LIME1: variants seen among roughly 807,000 people sequenced by gnomAD.
LIME1 encodes Lck interacting transmembrane adaptor 1.
Under a neutral mutation model 18.8 loss-of-function variants are expected in LIME1, and 23 were observed. The ratio of observed to expected loss-of-function variants is 1.22; its 90% confidence interval spans 0.88 to 1.73. The LOEUF is 1.73. Among genes scored for constraint, LIME1 ranks in the 40% most tolerant of loss-of-function variants. LIME1 has a pLI of 0.00. For missense variants in LIME1, 423 were observed against 396.8 expected (o/e 1.07, Z -0.56); for synonymous variants, 177 against 182.3 (o/e 0.97, Z 0.23).
intron 1 of LIME1, chr20:63,737,057 C>T: frequency 4.1e-6 from 4 of 987,192 alleles, no homozygotes; most frequent in Non-Finnish European, 3.6e-6. Flanking sequence ...CCTCCGGGTG[C>T]AGGGTCCCTC....
upstream of LIME1, chr20:63,735,716 G>C (rs1043735945): frequency 1.5e-5 from 24 of 1,551,136 alleles, no homozygotes; most frequent in Non-Finnish European, 1.7e-6. Flanking sequence ...CAGGCAGTGG[G>C]TACGGCAGAC....
Position 63,738,968 on chromosome 20 carries a change from T to C in LIME1, c.*68T>C. 1 of 1,381,830 alleles carries C rather than the reference T, an allele frequency of 7.2e-7. No individual in the cohort carries two copies. The highest frequency in any genetic ancestry group is 9.6e-7 in the Non-Finnish European group (1 of 1,037,770). The allele number at this position is 1,381,830 out of a possible 1,614,324, so 85.6% of individuals were successfully genotyped here. A position where few individuals can be genotyped will look rare whatever the true frequency, so the allele number is the denominator to read the frequency against. Reference sequence around the variant, plus strand: ...CCCCCGCCCCGCCCCGCCTCACAGCTGACAGCGCCAGTCCCAGGTCCCCGG... The same window carrying C: ...CCCCCGCCCCGCCCCGCCTCACAGCCGACAGCGCCAGTCCCAGGTCCCCGG... On this transcript the variant is annotated 3_prime_UTR_variant, in exon 6 of 6. Coordinates refer to ENST00000309546, the MANE Select transcript of LIME1 (RefSeq NM_017806.4).
Position 63,739,096 on chromosome 20 carries a change from T to G in LIME1, c.*196T>G. The G allele has an allele frequency of 1.9e-6, 1 of 526,450 alleles. No homozygotes were observed. The allele number at this position is 526,450 out of a possible 1,614,324, so 32.6% of individuals were successfully genotyped here. A position where few individuals can be genotyped will look rare whatever the true frequency, so the allele number is the denominator to read the frequency against. On this transcript the variant is annotated 3_prime_UTR_variant, in exon 6 of 6. Coordinates refer to ENST00000309546, the MANE Select transcript of LIME1 (RefSeq NM_017806.4). Reference sequence around the variant, plus strand: ...GTCTAAATAAAGCGCCAGCGCAGGATGAAAGCGGCCAGCCTCGCAGCCTGC... The same window carrying G: ...GTCTAAATAAAGCGCCAGCGCAGGAGGAAAGCGGCCAGCCTCGCAGCCTGC...
chr20:63,738,361 G>T lies in LIME1; in HGVS notation c.447G>T (p.Gly149=), dbSNP rs766064783. Residue 149 remains glycine (G), a synonymous_variant, in exon 5 of 6, where the codon GGG becomes GGT. Coordinates refer to ENST00000309546, the MANE Select transcript of LIME1 (RefSeq NM_017806.4). ...TCGAGGCCACCTATTCCAACGTGGG[G>T]CTGGCGGCCCTTCCCGGGGTCAGCC... ...AGLEATYSNV[G]LAALPGVSLA... is the part of the protein sequence containing the mutation. 2.6e-6 allele frequency: 4 copies of T among 1,556,016 alleles called. No homozygotes were observed. In the African/African-American group the frequency reaches 4.1e-5, roughly 16 times the overall value.
chr20:63,738,712 G>A lies in LIME1; in HGVS notation c.700G>A (p.Ala234Thr). The A allele has an allele frequency of 6.2e-7, 1 of 1,612,894 alleles. No homozygotes were observed. Residue 234 changes from alanine to threonine, a missense_variant, in exon 6 of 6, where the codon GCC (alanine) becomes ACC (threonine). Ala to Thr is a moderately conservative substitution (Grantham distance 58). Coordinates refer to ENST00000309546, the MANE Select transcript of LIME1 (RefSeq NM_017806.4). ...GATTCTGGCCCTGGCGGGTGACCTG[G>A]CCTACCAGACCCTCCCGCTCAGGGC... Reference protein sequence around the residue: ...GAILALAGDLAYQTLPLRALD... With the variant: ...GAILALAGDLTYQTLPLRALD...
intron 1 of LIME1, 136 bp downstream of exon 1, chr20:63,736,848 C>T: frequency 1.0e-6 from 1 of 986,736 alleles, no homozygotes; most frequent in Non-Finnish European, 1.2e-6. Context: ...CACCCCTCAC[C>T]CCCCAGCTTC....
upstream of LIME1, chr20:63,736,240 C>T (rs1175995549): frequency 1.2e-5 from 4 of 321,892 alleles, no homozygotes; most frequent in South Asian, 7.0e-5. Flanking sequence ...CCTAGGAGGC[C>T]GGCATTCTCC....
In LIME1 at chr20:63,738,452, C is replaced by T. The variant is rs2092020901; in HGVS notation, c.538C>T (p.Pro180Ser). ...GAAGCGCAAAGGGACCCATCGCAGTCCCCAAGAGCCACAGCAGGGGAAGAC... is the reference window on the plus strand; with the variant it reads ...GAAGCGCAAAGGGACCCATCGCAGTTCCCAAGAGCCACAGCAGGGGAAGAC... ...VQKRKGTHRS[P>S]QEPQQGKTEV... is the part of the protein sequence containing the mutation. The change falls in exon 5 of 6, where the codon CCC (proline) becomes TCC (serine). Residue 180 changes from proline (P) to serine (S), a missense_variant. Transcript: ENST00000309546. The T allele has an allele frequency of 6.5e-7, 1 of 1,530,734 alleles. No individual in the cohort carries two copies. The highest frequency in any genetic ancestry group is 1.3e-5 in the South Asian group (1 of 78,298). The allele number at this position is 1,530,734 out of a possible 1,614,324, so 94.8% of individuals were successfully genotyped here.
Position 63,738,345 on chromosome 20 carries a change from C to T in LIME1, c.431C>T (p.Thr144Ile), listed in dbSNP as rs1235772689. Residue 144 changes from threonine to isoleucine, a missense_variant, in exon 5 of 6, where the codon ACC (threonine) becomes ATC (isoleucine). By Grantham distance (89) the Thr-to-Ile change is moderately conservative (BLOSUM62 -1). Coordinates refer to ENST00000309546, the MANE Select transcript of LIME1 (RefSeq NM_017806.4). Reference sequence around the variant, plus strand: ...GCAGGGTGCGCTGGCCTCGAGGCCACCTATTCCAACGTGGGGCTGGCGGCC... The same window carrying T: ...GCAGGGTGCGCTGGCCTCGAGGCCATCTATTCCAACGTGGGGCTGGCGGCC... Reference protein sequence around the residue: ...ATAGCAGLEATYSNVGLAALP... With the variant: ...ATAGCAGLEAIYSNVGLAALP... The T allele has an allele frequency of 1.3e-6, 2 of 1,557,770 alleles. No homozygotes were observed. Among genetic ancestry groups the T allele is most frequent in the Non-Finnish European group, 1.7e-6 (2 of 1,153,460 alleles).
chr20:63,736,421 TG>T, upstream of LIME1: 1 of 194,040 alleles, frequency 5.2e-6, no homozygotes, highest in Non-Finnish European at 1.0e-5. Flanking sequence ...CCTGGCCCTG[TG>T]GGTTTGGGGG....
At chr20:63,735,934 C>T (rs1216937678), upstream of LIME1, 52 of 1,603,908 alleles carry the variant, frequency 3.2e-5, 1 homozygote, top group Non-Finnish European at 4.2e-5. Flanking sequence ...CCCACAAGCA[C>T]TATGGACGAA....
chr20:63,738,570 C>G lies in LIME1; in HGVS notation c.586-28C>G, dbSNP rs376105385. 4.6e-6 allele frequency: 7 copies of G among 1,532,874 alleles called. No individual in the cohort carries two copies. In the African/African-American group the frequency reaches 9.6e-5, roughly 21 times the overall value. 95.0% of individuals were successfully genotyped at this position (1,532,874 alleles called of 1,614,324 possible). ...CTCAGCAGGTTGGATGGTGCTGACCCCTCCTCGGGTTGGCTTCCTGTCTCC... is the reference window on the plus strand; with the variant it reads ...CTCAGCAGGTTGGATGGTGCTGACCGCTCCTCGGGTTGGCTTCCTGTCTCC... On this transcript the variant is annotated intron_variant, in intron 5 of 5. Coordinates refer to ENST00000309546, the MANE Select transcript of LIME1 (RefSeq NM_017806.4).
chr20:63,738,136 C>T, intron 4 of LIME1, 47 bp from the exon 5 acceptor site: 2 of 1,529,666 alleles, frequency 1.3e-6, no homozygotes, highest in African/African-American at 1.4e-5. Context: ...GCCAGACCCG[C>T]TCCTGCCCCC....
chr20:63,737,791 C>G, intron 2 of LIME1, 30 bp from the exon 3 acceptor site: 29 of 1,292,756 alleles, frequency 2.2e-5, no homozygotes, highest in Non-Finnish European at 2.7e-5. Flanking sequence ...CTGACGACCC[C>G]GCCCCCCGCC....
upstream of LIME1, chr20:63,735,876 A>T (rs780057742): frequency 3.1e-6 from 5 of 1,612,892 alleles, no homozygotes; most frequent in Non-Finnish European, 4.2e-6. Flanking sequence ...CTGCAGCAGG[A>T]GCAGAGGAAG....
At chr20:63,736,566 G>A, upstream of LIME1, 2 of 972,218 alleles carry the variant, frequency 2.1e-6, no homozygotes, top group Non-Finnish European at 2.4e-6. Context: ...AGGCTGCGGT[G>A]GTGGCTGCTG....
chr20:63,737,812 A>AACC lies in LIME1; in HGVS notation c.99-9_99-8insACC. ...ACCCCGCCCCCCGCCCCCCACCTCT[A>AACC]CCCCCAAGGCCCGAGGACGCTGTAG... On this transcript the variant is annotated splice_polypyrimidine_tract_variant and intron_variant, in intron 2 of 5. Transcript: ENST00000309546. 1 of 1,301,838 alleles carries AACC rather than the reference A, an allele frequency of 7.7e-7. No homozygotes were observed. Among genetic ancestry groups the AACC allele is most frequent in the Non-Finnish European group, 1.0e-6 (1 of 977,518 alleles). The allele number at this position is 1,301,838 out of a possible 1,614,324, so 80.6% of individuals were successfully genotyped here.
chr20:63,738,172 C>A lies in LIME1; in HGVS notation c.269-11C>A. 6.4e-7 allele frequency: 1 copy of A among 1,556,584 alleles called. No homozygotes were observed. Among genetic ancestry groups the A allele is most frequent in the Non-Finnish European group, 8.6e-7 (1 of 1,156,214 alleles). On this transcript the variant is annotated splice_polypyrimidine_tract_variant and intron_variant, in intron 4 of 5. Coordinates refer to ENST00000309546, the MANE Select transcript of LIME1 (RefSeq NM_017806.4). ...TGCCCGGAGTGAACTCTGCCCTGAC[C>A]CCACCCCCAGCCCTGCGGCCTGCCA...
rs769438625 is a variant in LIME1, at chr20:63,738,839, C to G, written c.827C>G (p.Pro276Arg). The change falls in exon 6 of 6, where the codon CCT (proline) becomes CGT (arginine). Residue 276 changes from proline to arginine, a missense_variant. Transcript: ENST00000309546. ...RSSTCGAGTP[P>R]ASSCPSLGRG... ...AGCACGTGCGGGGCTGGGACGCCCC[C>G]TGCTTCCAGCTGCCCCAGCCTAGGG... The G allele has an allele frequency of 3.1e-6, 5 of 1,610,786 alleles. No homozygotes were observed. The Admixed American group carries it at 5.0e-5, about 16-fold the overall frequency.
Sources: gnomAD v4.1 joint callset for allele counts on GRCh38, gnomAD v4.1.1 for gene constraint, MANE v1.5 for transcripts, NCBI Gene and HGNC (gene_info 2026-07-23, HGNC 2026-07-21) for gene names.